The following DENND1A variants were observed in gnomAD, a reference collection of about 807,000 sequenced individuals.
DENND1A encodes DENN domain-containing protein 1A.
In DENND1A, 51 loss-of-function variants were observed where a neutral mutation model predicts 113.7. The ratio of observed to expected loss-of-function variants is 0.45; its 90% confidence interval spans 0.36 to 0.57. The LOEUF is 0.57. Among genes scored for constraint, DENND1A ranks in the 20% least tolerant of loss-of-function variants. DENND1A has a pLI of 0.00. For synonymous variants in DENND1A, 565 were observed against 570.8 expected (o/e 0.99, Z 0.14); for missense variants, 1,258 against 1,395.9 (o/e 0.90, Z 1.57).
intron 22 of DENND1A, among the ~76,000 whole-genome samples, chr9:123,386,125 G>A (rs1245948388): frequency 1.3e-5 from 2 of 152,062 alleles, no homozygotes; most frequent in African/African-American, 4.8e-5. Context: ...CTGGGAGCAG[G>A]GTGCCTTTTC....
At chr9:123,922,023 T>G (rs912535672) in intron 1 of DENND1A, among the ~76,000 whole-genome samples, 1 of 151,846 alleles carries the variant, frequency 6.6e-6, no homozygotes, top group Non-Finnish European at 1.5e-5. Flanking sequence ...CTGAGCTCTG[T>G]GGGAGCTCAA....
chr9:123,397,074 C>T (rs927832219), intron 21 of DENND1A, among the ~76,000 whole-genome samples: 4 of 152,212 alleles, frequency 2.6e-5, no homozygotes, highest in Non-Finnish European at 4.4e-5. Flanking sequence ...CCTCCCCCTA[C>T]ATATTTCTTG....
chr9:123,544,826 T>C (rs1589069245), intron 13 of DENND1A, among the ~76,000 whole-genome samples: 2 of 152,160 alleles, frequency 1.3e-5, no homozygotes, highest in South Asian at 4.2e-4. Context: ...GTGCCAGGCG[T>C]GGTGGCTCAC....
intron 1 of DENND1A, among the ~76,000 whole-genome samples, chr9:123,887,098 G>C (rs1849212003): frequency 1.3e-5 from 2 of 152,148 alleles, no homozygotes; most frequent in African/African-American, 4.8e-5. Flanking sequence ...CTCATATGCT[G>C]AGCTGCAGTG....
intron 21 of DENND1A, among the ~76,000 whole-genome samples, chr9:123,399,011 G>C (rs184249569): frequency 7.3e-5 from 11 of 151,138 alleles, no homozygotes; most frequent in African/African-American, 2.7e-4. Context: ...AGCCAGGCTG[G>C]TCTTGAACTC....
intron 13 of DENND1A, among the ~76,000 whole-genome samples, chr9:123,473,398 C>T (rs371272297): frequency 2.6e-5 from 4 of 152,120 alleles, no homozygotes; most frequent in Non-Finnish European, 2.9e-5. Context: ...TGGCTCCAAG[C>T]GCAGCCGTTT....
chr9:123,393,791 A>G (rs1311627216), intron 21 of DENND1A, among the ~76,000 whole-genome samples: 1 of 152,216 alleles, frequency 6.6e-6, no homozygotes, highest in Non-Finnish European at 1.5e-5. Flanking sequence ...TCTTGTTGCC[A>G]CAAGTCACGA....
chr9:123,395,581 T>G (rs1341286825), intron 21 of DENND1A, among the ~76,000 whole-genome samples: 2 of 151,986 alleles, frequency 1.3e-5, no homozygotes, highest in East Asian at 1.9e-4. Flanking sequence ...TTTGGATAGC[T>G]GGCTGCTAAG....
intron 5 of DENND1A, among the ~76,000 whole-genome samples, chr9:123,744,854 C>A (rs1440161341): frequency 6.7e-6 from 1 of 148,798 alleles, no homozygotes; most frequent in East Asian, 2.0e-4. Flanking sequence ...CAGCTCACTG[C>A]AACCTCCGCC....
Position 123,383,918 on chromosome 9 carries a change from C to G in DENND1A, c.1761-5G>C, listed in dbSNP as rs2808411. On this transcript the variant is annotated splice_polypyrimidine_tract_variant and splice_region_variant and intron_variant, in intron 22 of 23. Transcript: ENST00000394215. ...AGTGTCCGATACGGCTGCGGCCTGTCGGGGACAGAGCAGGCTGCACTCTCC... is the reference window on the plus strand; with the variant it reads ...AGTGTCCGATACGGCTGCGGCCTGTGGGGGACAGAGCAGGCTGCACTCTCC... 1,472,442 of 1,605,550 alleles carry G rather than the reference C, an allele frequency of 0.92. 676,067 individuals are homozygous for G. The highest frequency in any genetic ancestry group is 0.96 in the East Asian group (43,224 of 44,824).
At chr9:123,540,010 T>C (rs2056164701) in intron 13 of DENND1A, among the ~76,000 whole-genome samples, 1 of 152,174 alleles carries the variant, frequency 6.6e-6, no homozygotes, top group South Asian at 2.1e-4. Context: ...CTATAAAGAT[T>C]GAATGCCAAC....
chr9:123,878,863 A>G, intron 2 of DENND1A, 88 bp downstream of exon 2: 2 of 1,316,872 alleles, frequency 1.5e-6, no homozygotes, highest in South Asian at 2.5e-5. Flanking sequence ...ACAAATAACA[A>G]TTTACTCATA....
chr9:123,587,313 T>C (rs1403620152), intron 11 of DENND1A, among the ~76,000 whole-genome samples: 1 of 152,142 alleles, frequency 6.6e-6, no homozygotes, highest in Non-Finnish European at 1.5e-5. Context: ...AGTGTGTGCG[T>C]CAGTAATTTC....
At chr9:123,858,740 G>T (rs1844645945) in intron 2 of DENND1A, among the ~76,000 whole-genome samples, 1 of 152,102 alleles carries the variant, frequency 6.6e-6, no homozygotes, top group African/African-American at 2.4e-5. Context: ...CAGTCTGTAG[G>T]CAATAGGAGA....
intron 2 of DENND1A, among the ~76,000 whole-genome samples, chr9:123,830,416 C>T (rs562014608): frequency 6.1e-4 from 92 of 151,050 alleles, no homozygotes; most frequent in Non-Finnish European, 8.4e-4. Flanking sequence ...GTGTTAATTA[C>T]GCAGGTGTAT....
intron 13 of DENND1A, among the ~76,000 whole-genome samples, chr9:123,458,862 T>C (rs1282492668): frequency 3.3e-5 from 5 of 152,150 alleles, no homozygotes; most frequent in South Asian, 4.1e-4. Flanking sequence ...TTAGGAAAGC[T>C]GAGGCAGGAG....
chr9:123,402,738 T>C (rs1222656940), intron 21 of DENND1A: 4 of 415,870 alleles, frequency 9.6e-6, no homozygotes, highest in Non-Finnish European at 2.0e-5. Flanking sequence ...GACTCGGGGC[T>C]ATCTGCAGCC....
intron 19 of DENND1A, among the ~76,000 whole-genome samples, chr9:123,420,803 G>T (rs1286907351): frequency 6.6e-6 from 1 of 150,974 alleles, no homozygotes. Flanking sequence ...CGAGGCAGCT[G>T]TGAGGGAAGG....
At chr9:123,623,921 C>T (rs945795094) in intron 10 of DENND1A, among the ~76,000 whole-genome samples, 4 of 152,118 alleles carry the variant, frequency 2.6e-5, no homozygotes, top group South Asian at 2.1e-4. Flanking sequence ...CATCTTCAGG[C>T]GCCATGTAAA....
Sources: allele counts gnomAD v4.1 joint callset (sites outside exome capture counted in the v4.1 genomes callset), GRCh38; gene constraint gnomAD v4.1.1; transcripts MANE v1.5; gene names NCBI Gene and HGNC (gene_info 2026-07-23, HGNC 2026-07-21).